The following FGD4 variants were observed in gnomAD, a reference collection of about 807,000 sequenced individuals.
FGD4 encodes the protein FYVE, RhoGEF and PH domain-containing protein 4.
In FGD4, 42 loss-of-function variants were observed where a neutral mutation model predicts 102.0. The observed-to-expected ratio is 0.41, with a 90% CI of 0.32 to 0.53. The LOEUF is 0.53. FGD4 is among the 20% of genes least tolerant of loss of function. The pLI is 0.21. For synonymous variants in FGD4, 380 were observed against 375.7 expected (o/e 1.01, Z -0.13); for missense variants, 902 against 1,078.2 (o/e 0.84, Z 2.29).
At chr12:32,473,803 G>C (rs778066348) in intron 1 of FGD4, among the ~76,000 whole-genome samples, 1 of 152,038 alleles carries the variant, frequency 6.6e-6, no homozygotes, top group Non-Finnish European at 1.5e-5. Flanking sequence ...ATTAGGAGCT[G>C]TGGACCGGGC....
At position 32,582,487 on chromosome 12, in the gene FGD4, C is replaced by G. The variant is rs975105251; in HGVS notation, c.1011+20C>G. ...ATGAAGGTAGAGCATGAGACTAGCTCATGAGCAGGGAAAACCCTGCCTATT... is the reference window on the plus strand; with the variant it reads ...ATGAAGGTAGAGCATGAGACTAGCTGATGAGCAGGGAAAACCCTGCCTATT... On this transcript the variant is annotated intron_variant, in intron 4 of 16. Transcript: ENST00000534526. The G allele has an allele frequency of 6.2e-7, 1 of 1,605,772 alleles. No homozygotes were observed. Among genetic ancestry groups the G allele is most frequent in the African/African-American group, 1.3e-5 (1 of 74,934 alleles).
chr12:32,557,752 C>A (rs2136231092), intron 1 of FGD4, among the ~76,000 whole-genome samples: 1 of 151,944 alleles, frequency 6.6e-6, no homozygotes, highest in Admixed American at 6.6e-5. Context: ...TTCCCCATAG[C>A]AAGAGAGTTG....
chr12:32,608,167 G>C, intron 8 of FGD4, 72 bp downstream of exon 8: 1 of 1,569,926 alleles, frequency 6.4e-7, no homozygotes, highest in Non-Finnish European at 8.8e-7. Context: ...TGGTTTCAAA[G>C]AGAAATACAT....
intron 1 of FGD4, among the ~76,000 whole-genome samples, chr12:32,517,517 T>G (rs1940018416): frequency 6.6e-6 from 1 of 152,200 alleles, no homozygotes; most frequent in African/African-American, 2.4e-5. Context: ...TTTAATGAAA[T>G]TTTCAGTATC....
chr12:32,528,950 AT>A (rs1941527026), intron 1 of FGD4, among the ~76,000 whole-genome samples: 1 of 152,140 alleles, frequency 6.6e-6, no homozygotes, highest in Non-Finnish European at 1.5e-5. Context: ...TTTTTTATTA[AT>A]TATTTTTAAT....
At chr12:32,606,172 A>G (rs1216152708) in intron 7 of FGD4, among the ~76,000 whole-genome samples, 1 of 152,200 alleles carries the variant, frequency 6.6e-6, no homozygotes, top group Non-Finnish European at 1.5e-5. Context: ...CCAATGAGAT[A>G]TTTAAATTTA....
intron 7 of FGD4, among the ~76,000 whole-genome samples, chr12:32,605,037 C>T (rs1237350236): frequency 6.8e-6 from 1 of 146,406 alleles, no homozygotes; most frequent in East Asian, 2.0e-4. Flanking sequence ...CTCCTGGGTT[C>T]AAGCGATTCT....
At chr12:32,456,383 T>A (rs1445270227) in intron 1 of FGD4, among the ~76,000 whole-genome samples, 1 of 152,202 alleles carries the variant, frequency 6.6e-6, no homozygotes, top group African/African-American at 2.4e-5. Flanking sequence ...GTCAATCTAT[T>A]TTTCTTTACT....
chr12:32,455,068 T>C (rs192697221), intron 1 of FGD4, among the ~76,000 whole-genome samples: 6 of 152,300 alleles, frequency 3.9e-5, no homozygotes, highest in Admixed American at 2.6e-4. Context: ...TCTTTTATTA[T>C]ACAAACACAA....
chr12:32,611,003 T>C lies in FGD4; in HGVS notation c.1603-134T>C, dbSNP rs1046621704. 5 of 1,269,700 alleles carry C rather than the reference T, an allele frequency of 3.9e-6. No individual in the cohort carries two copies. The South Asian group carries it at 6.4e-5, about 16-fold the overall frequency. The allele number at this position is 1,269,700 out of a possible 1,614,324, so 78.7% of individuals were successfully genotyped here. On this transcript the variant is annotated intron_variant, in intron 9 of 16. Coordinates refer to ENST00000534526, the MANE Select transcript of FGD4 (RefSeq NM_001370298.3). ...ATAATTCTCTGAACTTGCTAATAAG[T>C]GATGGAATTTATATTAAAATGTATG...
chr12:32,411,762 G>A (rs1271060872), intron 1 of FGD4, among the ~76,000 whole-genome samples: 1 of 151,916 alleles, frequency 6.6e-6, no homozygotes, highest in Admixed American at 6.6e-5. Context: ...ATTATCTGAG[G>A]TCAGGAGTTC....
intron 1 of FGD4, among the ~76,000 whole-genome samples, chr12:32,502,778 T>G (rs1355817893): frequency 6.6e-6 from 1 of 152,192 alleles, no homozygotes; most frequent in Non-Finnish European, 1.5e-5. Context: ...GACCCACCAT[T>G]ACTAGCTGAT....
chr12:32,472,103 T>G (rs1008658148), intron 1 of FGD4, among the ~76,000 whole-genome samples: 4 of 152,034 alleles, frequency 2.6e-5, no homozygotes, highest in Admixed American at 2.6e-4. Flanking sequence ...CAGGTGAGGC[T>G]CCCTGTGAGA....
At chr12:32,610,889 C>T (rs936758277) in intron 9 of FGD4, 55 bp downstream of exon 9, 37 of 1,538,238 alleles carry the variant, frequency 2.4e-5, no homozygotes, top group Non-Finnish European at 3.1e-5. Context: ...ATCAATAATA[C>T]TGCCTCAATA....
intron 1 of FGD4, among the ~76,000 whole-genome samples, chr12:32,434,830 G>A (rs1366550673): frequency 6.6e-6 from 1 of 152,150 alleles, no homozygotes. Flanking sequence ...TTTTGTCAGT[G>A]TGCTATATAT....
chr12:32,411,979 G>GA (rs921002067), intron 1 of FGD4, among the ~76,000 whole-genome samples: 37 of 150,286 alleles, frequency 2.5e-4, no homozygotes, highest in Non-Finnish European at 4.3e-4. Flanking sequence ...CATCTCAAAA[G>GA]AAAAAAAAAG....
chr12:32,401,172 G>A (rs1274204114), intron 1 of FGD4, among the ~76,000 whole-genome samples: 1 of 152,178 alleles, frequency 6.6e-6, no homozygotes, highest in Non-Finnish European at 1.5e-5. Flanking sequence ...ACTTTGGATC[G>A]AAGGTATTTA....
At chr12:32,427,267 T>C (rs1941872109) in intron 1 of FGD4, among the ~76,000 whole-genome samples, 1 of 152,236 alleles carries the variant, frequency 6.6e-6, no homozygotes, top group Non-Finnish European at 1.5e-5. Context: ...ACGTTGTTTC[T>C]TTGTTCTCAT....
At chr12:32,510,936 T>C (rs1311874855) in intron 1 of FGD4, among the ~76,000 whole-genome samples, 1 of 152,202 alleles carries the variant, frequency 6.6e-6, no homozygotes, top group Admixed American at 6.5e-5. Context: ...ACAAGCTGAG[T>C]ACCTTTTATG....
Sources: gnomAD v4.1 joint callset for allele counts (sites outside exome capture counted in the v4.1 genomes callset) on GRCh38, gnomAD v4.1.1 for gene constraint, MANE v1.5 for transcripts, NCBI Gene and HGNC (gene_info 2026-07-23, HGNC 2026-07-21) for gene names.